Variants in CARMIL1 observed in about 807,000 individuals in gnomAD.
CARMIL1 encodes capping protein regulator and myosin 1 linker 1.
CARMIL1 carries 90 observed loss-of-function variants against 177.1 expected under a neutral mutation model. That is an observed-to-expected ratio of 0.51 (90% CI 0.43 to 0.61). CARMIL1 has a LOEUF of 0.61. Among genes scored for constraint, CARMIL1 ranks in the 20% least tolerant of loss-of-function variants. The pLI is 0.00. For missense variants in CARMIL1, 1,380 were observed against 1,667.0 expected (o/e 0.83, Z 3.00); for synonymous variants, 577 against 606.2 (o/e 0.95, Z 0.71).
intron 2 of CARMIL1, among the ~76,000 whole-genome samples, chr6:25,385,870 A>G (rs1441056291): frequency 6.6e-6 from 1 of 152,236 alleles, no homozygotes; most frequent in Non-Finnish European, 1.5e-5. Context: ...ACCTCAAAGA[A>G]TGGAGAGGAA....
intron 26 of CARMIL1, among the ~76,000 whole-genome samples, chr6:25,550,083 AT>A: frequency 6.6e-6 from 1 of 152,186 alleles, no homozygotes; most frequent in Non-Finnish European, 1.5e-5. Flanking sequence ...ACTGATGCTG[AT>A]GCCCTTTCCA....
At chr6:25,376,921 A>G (rs953185753) in intron 2 of CARMIL1, among the ~76,000 whole-genome samples, 5 of 152,158 alleles carry the variant, frequency 3.3e-5, no homozygotes, top group Admixed American at 3.3e-4. Flanking sequence ...AAGCCACCTC[A>G]GCTTCCCTGC....
intron 1 of CARMIL1, among the ~76,000 whole-genome samples, chr6:25,280,296 A>C (rs947504398): frequency 6.6e-5 from 10 of 152,160 alleles, no homozygotes; most frequent in African/African-American, 2.2e-4. Flanking sequence ...GGCACGTGTC[A>C]GGCGCTTTCC....
intron 26 of CARMIL1, among the ~76,000 whole-genome samples, chr6:25,540,951 A>G (rs1808829125): frequency 6.6e-6 from 1 of 152,178 alleles, no homozygotes; most frequent in Non-Finnish European, 1.5e-5. Flanking sequence ...TATAATACAG[A>G]GGGACTCTGT....
chr6:25,461,231 G>A (rs1433877958), intron 8 of CARMIL1, among the ~76,000 whole-genome samples: 1 of 152,092 alleles, frequency 6.6e-6, no homozygotes, highest in Non-Finnish European at 1.5e-5. Flanking sequence ...CACTGATATT[G>A]CAGAAATTAA....
intron 29 of CARMIL1, among the ~76,000 whole-genome samples, chr6:25,560,236 A>G (rs1481674302): frequency 6.6e-6 from 1 of 152,214 alleles, no homozygotes; most frequent in Non-Finnish European, 1.5e-5. Context: ...AGTGTCAGAA[A>G]AGGGAATTTT....
At chr6:25,392,413 C>T (rs1792955407) in intron 2 of CARMIL1, among the ~76,000 whole-genome samples, 1 of 152,178 alleles carries the variant, frequency 6.6e-6, no homozygotes, top group Admixed American at 6.5e-5. Flanking sequence ...CCAGTTGGCT[C>T]AGAGGAAAAC....
chr6:25,504,426 A>C (rs976277865), intron 17 of CARMIL1, among the ~76,000 whole-genome samples: 5 of 152,078 alleles, frequency 3.3e-5, no homozygotes, highest in African/African-American at 1.2e-4. Flanking sequence ...GACATGTCAC[A>C]CTCATTAATT....
intron 16 of CARMIL1, 24 bp from the exon 17 acceptor site, chr6:25,500,142 A>G (rs376880892): frequency 3.9e-5 from 62 of 1,606,744 alleles, no homozygotes; most frequent in Non-Finnish European, 4.9e-5. Context: ...ATGTGTATCT[A>G]ATATGTGTGT....
At chr6:25,488,998 C>T (rs984375942) in intron 13 of CARMIL1, among the ~76,000 whole-genome samples, 1 of 152,058 alleles carries the variant, frequency 6.6e-6, no homozygotes, top group African/African-American at 2.4e-5. Context: ...AACCCCATCT[C>T]TACTAAAAAT....
intron 2 of CARMIL1, among the ~76,000 whole-genome samples, chr6:25,371,374 A>C (rs983815642): frequency 6.6e-6 from 1 of 152,214 alleles, no homozygotes; most frequent in Non-Finnish European, 1.5e-5. Context: ...TCCCACCAGC[A>C]GTGTATAAGT....
intron 29 of CARMIL1, among the ~76,000 whole-genome samples, chr6:25,561,945 A>G (rs568357493): frequency 6.6e-6 from 1 of 152,318 alleles, no homozygotes; most frequent in South Asian, 2.1e-4. Flanking sequence ...TCCAAATTCT[A>G]AGTTTCAAAA....
At chr6:25,374,640 A>T (rs1333896301) in intron 2 of CARMIL1, among the ~76,000 whole-genome samples, 2 of 151,990 alleles carry the variant, frequency 1.3e-5, no homozygotes, top group African/African-American at 4.8e-5. Flanking sequence ...CTGCACTATT[A>T]TTGTGTTGCT....
intron 36 of CARMIL1, among the ~76,000 whole-genome samples, chr6:25,618,835 G>T (rs1759501372): frequency 6.6e-6 from 1 of 152,166 alleles, no homozygotes; most frequent in Non-Finnish European, 1.5e-5. Flanking sequence ...ATGTGTCATA[G>T]GCAGTATTTA....
At chr6:25,332,763 ACACACACACGCG>A (rs1785779100) in intron 2 of CARMIL1, among the ~76,000 whole-genome samples, 4 of 119,554 alleles carry the variant, frequency 3.3e-5, no homozygotes, top group African/African-American at 1.0e-4. Flanking sequence ...ACACACACAC[ACACACACACGCG>A]CACACACACA....
At chr6:25,289,796 T>G (rs1340433629) in intron 2 of CARMIL1, among the ~76,000 whole-genome samples, 1 of 152,250 alleles carries the variant, frequency 6.6e-6, no homozygotes, top group East Asian at 1.9e-4. Context: ...ATGGTATGGA[T>G]GTACCACGTT....
At chr6:25,429,099 T>C (rs1796510009) in intron 4 of CARMIL1, among the ~76,000 whole-genome samples, 1 of 152,208 alleles carries the variant, frequency 6.6e-6, no homozygotes, top group Admixed American at 6.5e-5. Flanking sequence ...TGCCAGGAAT[T>C]TAGGGCTGTG....
chr6:25,551,289 C>T (rs1243762677), intron 27 of CARMIL1, among the ~76,000 whole-genome samples: 1 of 152,152 alleles, frequency 6.6e-6, no homozygotes, highest in Non-Finnish European at 1.5e-5. Context: ...TAAATGCCTG[C>T]ATTACTTAAG....
intron 26 of CARMIL1, among the ~76,000 whole-genome samples, chr6:25,540,384 T>TTA (rs1186936285): frequency 6.6e-6 from 1 of 152,218 alleles, no homozygotes; most frequent in East Asian, 1.9e-4. Context: ...ATACCTTCTG[T>TTA]TATTAACATC....
Sources: allele counts gnomAD v4.1 joint callset (sites outside exome capture counted in the v4.1 genomes callset), GRCh38; gene constraint gnomAD v4.1.1; transcripts MANE v1.5; gene names NCBI Gene and HGNC (gene_info 2026-07-23, HGNC 2026-07-21).